The following PLXNA4 variants were observed in gnomAD, a reference collection of about 807,000 sequenced individuals.
PLXNA4 encodes plexin A4, also known as plexin-A4.
In PLXNA4, 44 loss-of-function variants were observed where a neutral mutation model predicts 191.8. The ratio of observed to expected loss-of-function variants is 0.23; its 90% CI spans 0.18 to 0.29. The LOEUF is 0.29. Ranked by LOEUF, PLXNA4 falls within the 10% of genes least tolerant of loss-of-function variation. The pLI is 1.00. For synonymous variants in PLXNA4, 1,082 were observed against 1,009.5 expected, an observed-to-expected ratio of 1.07 and a Z score of -1.36; for missense variants, 1,800 against 2,488.8, an observed-to-expected ratio of 0.72 and a Z score of 5.89.
chr7:132,488,411 C>T (rs1380228655), intron 3 of PLXNA4, among the ~76,000 whole-genome samples: 1 of 152,188 alleles, frequency 6.6e-6, no homozygotes, highest in Non-Finnish European at 1.5e-5. Context: ...CAATCTGAAT[C>T]ACACAATGTC....
chr7:132,373,908 T>TG (rs1563063579), intron 3 of PLXNA4, among the ~76,000 whole-genome samples: 2 of 152,194 alleles, frequency 1.3e-5, no homozygotes, highest in Non-Finnish European at 2.9e-5. Context: ...AACTCTCCCA[T>TG]GTGGTAGGGC....
chr7:132,583,787 G>C (rs964953789), intron 2 of PLXNA4, among the ~76,000 whole-genome samples: 3 of 152,108 alleles, frequency 2.0e-5, no homozygotes, highest in African/African-American at 7.2e-5. Flanking sequence ...CCTAACGCAC[G>C]CCTGCTGACT....
chr7:132,425,383 T>C (rs1795004933), intron 3 of PLXNA4, among the ~76,000 whole-genome samples: 1 of 152,074 alleles, frequency 6.6e-6, no homozygotes, highest in Admixed American at 6.5e-5. Context: ...ACAGGGGAAT[T>C]GGTGAAAGTA....
At chr7:132,134,258 C>T (rs961830925) in intron 30 of PLXNA4, among the ~76,000 whole-genome samples, 1 of 152,166 alleles carries the variant, frequency 6.6e-6, no homozygotes, top group Non-Finnish European at 1.5e-5. Context: ...GCACCCCAGC[C>T]CTGTGTCTTT....
At chr7:132,563,962 T>C in intron 1 of PLXNA4, among the ~76,000 whole-genome samples, 2 of 78,704 alleles carry the variant, frequency 2.5e-5, no homozygotes, top group Non-Finnish European at 5.2e-5. Flanking sequence ...TTCCTCCCCA[T>C]TCTTTCTCCT....
intron 29 of PLXNA4, 69 bp downstream of exon 29, chr7:132,145,050 C>T (rs1275414997): frequency 8.7e-6 from 14 of 1,609,026 alleles, no homozygotes; most frequent in Non-Finnish European, 1.0e-5. Context: ...CCCAGAGTCC[C>T]ACCACCATTA....
chr7:132,331,371 A>G (rs1482634186), intron 3 of PLXNA4, among the ~76,000 whole-genome samples: 2 of 152,220 alleles, frequency 1.3e-5, no homozygotes, highest in East Asian at 3.9e-4. Context: ...GCCAAGGGTA[A>G]TCAGGGCCTG....
intron 4 of PLXNA4, among the ~76,000 whole-genome samples, chr7:132,268,720 A>G (rs1799947407): frequency 6.6e-6 from 1 of 152,202 alleles, no homozygotes; most frequent in Non-Finnish European, 1.5e-5. Context: ...GAAGGCTGCC[A>G]GGCTTCCTGG....
intron 3 of PLXNA4, among the ~76,000 whole-genome samples, chr7:132,352,721 A>T (rs192563876): frequency 1.8e-3 from 275 of 152,288 alleles, no homozygotes; most frequent in African/African-American, 6.1e-3. Flanking sequence ...CCTACGTAAA[A>T]TAGGAACACG....
chr7:132,172,666 G>A (rs951871851), intron 21 of PLXNA4, among the ~76,000 whole-genome samples: 2 of 152,026 alleles, frequency 1.3e-5, no homozygotes, highest in Admixed American at 6.5e-5. Flanking sequence ...ATAGCCCCCG[G>A]CTAATGCGGG....
At chr7:132,260,180 A>G (rs1226690799) in intron 4 of PLXNA4, among the ~76,000 whole-genome samples, 1 of 152,188 alleles carries the variant, frequency 6.6e-6, no homozygotes, top group East Asian at 1.9e-4. Context: ...AGAAAAATAA[A>G]TTGTTCTACC....
rs542631061 is a variant in PLXNA4 at position 132,148,518 on chromosome 7, C to T, written c.4764+25G>A. 1.1e-4 allele frequency: 171 copies of T among 1,613,720 alleles called. No individual in the cohort carries two copies. In the South Asian group the frequency reaches 1.8e-3, roughly 17 times the overall value. ...GCAAGGGACTTGTAGTTGGCTAGCT[C>T]CTCCCCTTTCCACATTCCCCTCACC... On this transcript the variant is annotated intron_variant, in intron 26 of 31. Coordinates refer to ENST00000321063, the MANE Select transcript of PLXNA4 (RefSeq NM_020911.2).
At chr7:132,264,272 A>C (rs1799763003) in intron 4 of PLXNA4, 1 of 152,192 alleles carries the variant, frequency 6.6e-6, no homozygotes, top group South Asian at 2.1e-4. Context: ...TCTCCCCTGG[A>C]GTTTGCTCCC....
At chr7:132,452,801 T>C (rs1202204768) in intron 3 of PLXNA4, among the ~76,000 whole-genome samples, 3 of 152,176 alleles carry the variant, frequency 2.0e-5, no homozygotes, top group Non-Finnish European at 4.4e-5. Flanking sequence ...GCTCCCAAGA[T>C]GGTCAGAAAT....
chr7:132,248,072 C>T (rs997125721), intron 4 of PLXNA4, among the ~76,000 whole-genome samples: 1 of 152,308 alleles, frequency 6.6e-6, no homozygotes, highest in East Asian at 1.9e-4. Flanking sequence ...CCTCAGAACT[C>T]GATTGGCCAA....
intron 1 of PLXNA4, among the ~76,000 whole-genome samples, chr7:132,510,334 A>C (rs1477545192): frequency 1.3e-5 from 2 of 152,250 alleles, no homozygotes; most frequent in African/African-American, 2.4e-5. Flanking sequence ...AAGACTTTGC[A>C]TTGTCAGCCA....
At chr7:132,507,337 G>A (rs899187772) in intron 2 of PLXNA4, among the ~76,000 whole-genome samples, 169 bp downstream of exon 2, 3 of 152,156 alleles carry the variant, frequency 2.0e-5, no homozygotes, top group Admixed American at 2.0e-4. Context: ...TGTCATAGTT[G>A]CAGAATATTT....
At chr7:132,392,354 T>C (rs1362615630) in intron 3 of PLXNA4, among the ~76,000 whole-genome samples, 5 of 152,196 alleles carry the variant, frequency 3.3e-5, no homozygotes, top group Admixed American at 1.3e-4. Context: ...CTAACCTTCT[T>C]GTAGTCTGTA....
chr7:132,356,576 C>A (rs1237470172), intron 3 of PLXNA4, among the ~76,000 whole-genome samples: 3 of 152,212 alleles, frequency 2.0e-5, no homozygotes. Flanking sequence ...GGTCATTTCC[C>A]AAGGCCAGAT....
Sources: gnomAD v4.1 joint callset for allele counts (sites outside exome capture counted in the v4.1 genomes callset) on GRCh38, gnomAD v4.1.1 for gene constraint, MANE v1.5 for transcripts, NCBI Gene and HGNC (gene_info 2026-07-23, HGNC 2026-07-21) for gene names.